Variants in PXDNL observed in about 807,000 individuals in gnomAD.
PXDNL encodes probable oxidoreductase PXDNL.
A neutral mutation model predicts 150.8 loss-of-function variants in PXDNL; 145 were observed. The observed-to-expected ratio is 0.96, with a 90% CI of 0.84 to 1.10. The LOEUF (loss-of-function observed/expected upper bound fraction) is 1.10. Among genes scored for constraint, PXDNL ranks in the 50% least tolerant of loss-of-function variants. PXDNL has a pLI of 0.00. For missense variants in PXDNL, 2,087 were observed against 1,873.9 expected (o/e 1.11, Z -2.10); for synonymous variants, 757 against 725.7 (o/e 1.04, Z -0.69).
intron 1 of PXDNL, among the ~76,000 whole-genome samples, chr8:51,762,692 C>T (rs2037177916): frequency 6.6e-6 from 1 of 152,180 alleles, no homozygotes; most frequent in Non-Finnish European, 1.5e-5. Context: ...ATTGATGTCT[C>T]ATGTCTTCCT....
intron 1 of PXDNL, among the ~76,000 whole-genome samples, chr8:51,685,760 T>C (rs1349578973): frequency 7.9e-5 from 12 of 152,232 alleles, no homozygotes; most frequent in Non-Finnish European, 1.2e-4. Context: ...TACACACTAA[T>C]GAACATGTTG....
intron 1 of PXDNL, among the ~76,000 whole-genome samples, chr8:51,684,548 C>T (rs1402717270): frequency 6.6e-6 from 1 of 152,202 alleles, no homozygotes; most frequent in Non-Finnish European, 1.5e-5. Flanking sequence ...TGGGATGTCA[C>T]TGTGTGATTA....
chr8:51,528,728 A>T (rs1181353403), intron 4 of PXDNL, among the ~76,000 whole-genome samples: 5 of 152,100 alleles, frequency 3.3e-5, no homozygotes, highest in African/African-American at 1.2e-4. Flanking sequence ...CATGGGAGGG[A>T]CTCACTTTAC....
chr8:51,426,546 A>T (rs1809105203), intron 13 of PXDNL, 100 bp downstream of exon 13: 1 of 645,780 alleles, frequency 1.5e-6, no homozygotes, highest in African/African-American at 1.8e-5. Context: ...CAAAAGTCGC[A>T]ACAGTAAAAA....
chr8:51,647,921 T>A (rs529217457), intron 2 of PXDNL, among the ~76,000 whole-genome samples: 1 of 152,336 alleles, frequency 6.6e-6, no homozygotes, highest in African/African-American at 2.4e-5. Context: ...TTTTTGCCTA[T>A]TTTTTAATAT....
chr8:51,772,577 G>C (rs1175830307), intron 1 of PXDNL, among the ~76,000 whole-genome samples: 1 of 152,148 alleles, frequency 6.6e-6, no homozygotes, highest in Admixed American at 6.5e-5. Context: ...GAAGGTTCTG[G>C]GGGAATTCGT....
At chr8:51,448,673 C>T (rs1057367939) in intron 11 of PXDNL, among the ~76,000 whole-genome samples, 1 of 151,252 alleles carries the variant, frequency 6.6e-6, no homozygotes, top group Non-Finnish European at 1.5e-5. Flanking sequence ...GCACTCCAGC[C>T]TGGGCGACAG....
chr8:51,405,877 T>C lies in PXDNL; in HGVS notation c.3557+2190A>G, dbSNP rs1808422793. ...ACCAGGCTGCATAGAGTTCCACTAG[T>C]TCAAACATTCTCCCAGGCAAGGATA... On this transcript the variant is annotated intron_variant, in intron 17 of 22. Transcript: ENST00000356297. Among the ~76,000 whole-genome samples the C allele has an allele frequency of 2.0e-5, 3 of 152,266 alleles. No homozygotes were observed. In the South Asian group the frequency reaches 6.2e-4, roughly 32 times the overall value.
At chr8:51,486,921 C>A (rs1164419907) in intron 5 of PXDNL, among the ~76,000 whole-genome samples, 2 of 148,970 alleles carry the variant, frequency 1.3e-5, no homozygotes, top group Non-Finnish European at 3.0e-5. Context: ...CTGCCTCAGC[C>A]TCCCAAGTAG....
At chr8:51,329,602 T>G (rs193233059) in intron 21 of PXDNL, among the ~76,000 whole-genome samples, 2 of 152,014 alleles carry the variant, frequency 1.3e-5, no homozygotes, top group African/African-American at 4.8e-5. Context: ...GGGATAAAAA[T>G]AACTATGATT....
chr8:51,560,503 T>G (rs1158719312), intron 3 of PXDNL, among the ~76,000 whole-genome samples: 1 of 151,868 alleles, frequency 6.6e-6, no homozygotes. Context: ...AATAAGCCCT[T>G]GCATATATGG....
chr8:51,793,666 A>C (rs1351613150), intron 1 of PXDNL, among the ~76,000 whole-genome samples: 1 of 152,222 alleles, frequency 6.6e-6, no homozygotes, highest in Non-Finnish European at 1.5e-5. Context: ...AGGTGGTCAG[A>C]TCACTAGAGG....
At chr8:51,505,745 C>T (rs950288910) in intron 4 of PXDNL, among the ~76,000 whole-genome samples, 1 of 152,150 alleles carries the variant, frequency 6.6e-6, no homozygotes, top group African/African-American at 2.4e-5. Context: ...TGTCAACAAT[C>T]CTAGCACATG....
intron 15 of PXDNL, among the ~76,000 whole-genome samples, chr8:51,412,844 G>A (rs1239806432): frequency 1.3e-5 from 2 of 152,192 alleles, no homozygotes; most frequent in Non-Finnish European, 2.9e-5. Flanking sequence ...CACATTGCAG[G>A]AGCACTGCAT....
intron 2 of PXDNL, among the ~76,000 whole-genome samples, chr8:51,601,809 ATG>A (rs2130685411): frequency 6.9e-6 from 1 of 145,704 alleles, no homozygotes; most frequent in East Asian, 2.0e-4. Flanking sequence ...TTTTTTTTTA[ATG>A]TAGGGTCTGT....
chr8:51,537,205 C>A (rs1409119161), intron 4 of PXDNL, among the ~76,000 whole-genome samples: 1 of 152,116 alleles, frequency 6.6e-6, no homozygotes, highest in African/African-American at 2.4e-5. Flanking sequence ...ATGCCAGCAC[C>A]CTCCTCCTGA....
intron 17 of PXDNL, among the ~76,000 whole-genome samples, chr8:51,375,023 C>G (rs887050183): frequency 3.3e-5 from 5 of 151,856 alleles, no homozygotes; most frequent in Non-Finnish European, 7.4e-5. Flanking sequence ...TGGAGTATAA[C>G]TGTATATATA....
intron 2 of PXDNL, among the ~76,000 whole-genome samples, chr8:51,600,909 T>G (rs1219388132): frequency 2.8e-5 from 4 of 141,182 alleles, no homozygotes; most frequent in African/African-American, 7.7e-5. Flanking sequence ...TTTAGATAAT[T>G]ACATCTTATA....
At chr8:51,540,644 C>A (rs902216228) in intron 4 of PXDNL, among the ~76,000 whole-genome samples, 1 of 152,010 alleles carries the variant, frequency 6.6e-6, no homozygotes, top group East Asian at 1.9e-4. Flanking sequence ...TAATCTATCT[C>A]GGGGAATGAT....
Sources: allele counts gnomAD v4.1 joint callset (sites outside exome capture counted in the v4.1 genomes callset), GRCh38; gene constraint gnomAD v4.1.1; transcripts MANE v1.5; gene names NCBI Gene and HGNC (gene_info 2026-07-23, HGNC 2026-07-21).